EPB41: variants seen among roughly 807,000 people sequenced by gnomAD.
EPB41 encodes the protein erythrocyte membrane protein band 4.1.
In EPB41, 65 loss-of-function variants were observed where a neutral mutation model predicts 108.0. That is an observed-to-expected ratio of 0.60 (90% CI 0.49 to 0.74). EPB41 has a LOEUF of 0.74. Among genes scored for constraint, EPB41 ranks in the 30% least tolerant of loss-of-function variants. The pLI, the probability that EPB41 is intolerant of heterozygous loss-of-function variation, is 0.00. For synonymous variants in EPB41, 336 were observed against 358.9 expected, an observed-to-expected ratio of 0.94 and a Z score of 0.72; for missense variants, 875 against 1,037.0, an observed-to-expected ratio of 0.84 and a Z score of 2.15.
chr1:28,997,181 CCTCAA>C (rs746871828), intron 3 of EPB41, 29 bp from the exon 4 acceptor site: 2 of 1,474,862 alleles, frequency 1.4e-6, no homozygotes, highest in Non-Finnish European at 9.5e-7. Context: ...GAAGAAGAAA[CCTCAA>C]CTCAACTAAG....
At chr1:28,992,417 G>A (rs939858676) in intron 2 of EPB41, among the ~76,000 whole-genome samples, 2 of 152,104 alleles carry the variant, frequency 1.3e-5, no homozygotes, top group African/African-American at 2.4e-5. Flanking sequence ...GGCCAGGCAC[G>A]GTTGCTCACG....
intron 1 of EPB41, among the ~76,000 whole-genome samples, chr1:28,976,029 C>G (rs2095601308): frequency 6.6e-6 from 1 of 151,436 alleles, no homozygotes; most frequent in Non-Finnish European, 1.5e-5. Flanking sequence ...GTGGTCTTAG[C>G]CAGATTGAAT....
chr1:28,890,931 C>A (rs1001169936), intron 1 of EPB41: 2 of 985,462 alleles, frequency 2.0e-6, no homozygotes, highest in Non-Finnish European at 2.4e-6. Context: ...CCTGCTGGAG[C>A]AAAGCTCTGA....
chr1:29,100,743 A>T (rs1219374576), intron 17 of EPB41, among the ~76,000 whole-genome samples: 1 of 147,120 alleles, frequency 6.8e-6, no homozygotes, highest in Non-Finnish European at 1.5e-5. Context: ...AAATTAATAT[A>T]TAATTACACA....
intron 16 of EPB41, chr1:29,096,721 A>C (rs1328733167): frequency 1.8e-5 from 7 of 390,710 alleles, no homozygotes; most frequent in African/African-American, 2.2e-5. Context: ...TGCTGTTTTC[A>C]AAATCACAGA....
chr1:29,103,773 T>A (rs1666218695), intron 17 of EPB41, among the ~76,000 whole-genome samples: 1 of 152,164 alleles, frequency 6.6e-6, no homozygotes, highest in African/African-American at 2.4e-5. Flanking sequence ...GTTCAAGCAA[T>A]TCTCCAGCCT....
intron 1 of EPB41, among the ~76,000 whole-genome samples, chr1:28,888,069 C>T (rs1035496643): frequency 6.6e-6 from 1 of 152,226 alleles, no homozygotes; most frequent in Non-Finnish European, 1.5e-5. Context: ...CCTGTCCAGA[C>T]CAACCCGAGC....
chr1:28,983,989 A>G (rs1020057430), intron 1 of EPB41, among the ~76,000 whole-genome samples: 2 of 138,480 alleles, frequency 1.4e-5, no homozygotes, highest in Non-Finnish European at 3.1e-5. Flanking sequence ...TTTATTGCTG[A>G]TGAAAGTGGC....
chr1:29,024,075 A>C (rs2096682698), intron 7 of EPB41, among the ~76,000 whole-genome samples: 1 of 152,080 alleles, frequency 6.6e-6, no homozygotes, highest in Non-Finnish European at 1.5e-5. Context: ...GGTGGCTCAC[A>C]CCTGTAATCC....
intron 11 of EPB41, among the ~76,000 whole-genome samples, chr1:29,047,165 G>C (rs1287190672): frequency 2.6e-5 from 4 of 151,536 alleles, no homozygotes; most frequent in Non-Finnish European, 5.9e-5. Flanking sequence ...TACAGATTCA[G>C]TGTCTTTATT....
intron 1 of EPB41, among the ~76,000 whole-genome samples, chr1:28,923,794 G>T (rs940503316): frequency 1.3e-5 from 2 of 152,266 alleles, no homozygotes; most frequent in Middle Eastern, 3.4e-3. Flanking sequence ...ATATACCAAA[G>T]AATATATAAC....
At chr1:29,028,609 T>G (rs1413793010) in intron 7 of EPB41, among the ~76,000 whole-genome samples, 4 of 152,208 alleles carry the variant, frequency 2.6e-5, no homozygotes, top group Non-Finnish European at 5.9e-5. Context: ...GTATTGTGAC[T>G]TGAGTTTTGA....
intron 6 of EPB41, among the ~76,000 whole-genome samples, chr1:29,016,342 A>ATTTTTTTT (rs11362146): frequency 1.5e-5 from 2 of 135,776 alleles, no homozygotes; most frequent in African/African-American, 2.8e-5. Flanking sequence ...CGCCCTGCTA[A>ATTTTTTTT]TTTTTTTTTT....
chr1:28,978,046 T>C (rs1209205876), intron 1 of EPB41, among the ~76,000 whole-genome samples: 1 of 148,350 alleles, frequency 6.7e-6, no homozygotes, highest in Non-Finnish European at 1.5e-5. Context: ...GCATCTTTGC[T>C]GGATACTGCA....
At chr1:29,012,001 A>C in intron 5 of EPB41, 94 bp downstream of exon 5, 1 of 1,317,178 alleles carries the variant, frequency 7.6e-7, no homozygotes, top group Admixed American at 1.7e-5. Context: ...TCACTTTAGA[A>C]TCCTGACTAC....
At chr1:29,112,314 T>A in intron 18 of EPB41, 54 bp from the exon 19 acceptor site, 1 of 1,487,728 alleles carries the variant, frequency 6.7e-7, no homozygotes, top group Non-Finnish European at 9.4e-7. Context: ...TTTTCTTTTT[T>A]TTTAATTCTT....
At chr1:28,953,840 G>T (rs2094840579) in intron 1 of EPB41, among the ~76,000 whole-genome samples, 1 of 152,198 alleles carries the variant, frequency 6.6e-6, no homozygotes. Context: ...AAATCACTTG[G>T]AAGGCTTGCA....
At chr1:29,064,130 C>G (rs1454609794) in intron 15 of EPB41, among the ~76,000 whole-genome samples, 1 of 151,910 alleles carries the variant, frequency 6.6e-6, no homozygotes, top group Non-Finnish European at 1.5e-5. Context: ...TTTAAATTGT[C>G]AAGGAGATAT....
At chr1:29,083,930 T>G (rs140729211) in intron 16 of EPB41, among the ~76,000 whole-genome samples, 29 of 152,348 alleles carry the variant, frequency 1.9e-4, no homozygotes, top group African/African-American at 6.7e-4. Context: ...GTAGACCATC[T>G]GGGGGTATTA....
Sources: allele counts gnomAD v4.1 joint callset (sites outside exome capture counted in the v4.1 genomes callset), GRCh38; gene constraint gnomAD v4.1.1; transcripts MANE v1.5; gene names NCBI Gene and HGNC (gene_info 2026-07-23, HGNC 2026-07-21).